The following NFIB variants were observed in gnomAD, a reference collection of about 807,000 sequenced individuals.
The protein encoded by NFIB is nuclear factor 1 B-type.
In NFIB, 11 loss-of-function variants were observed where a neutral mutation model predicts 61.5. The ratio of observed to expected loss-of-function variants is 0.18; its 90% confidence interval spans 0.11 to 0.30. The LOEUF is 0.30. NFIB is among the 10% of genes least tolerant of loss of function. The probability of loss-of-function intolerance (pLI) is 1.00; values close to 1 mark genes in which losing one functional copy is unlikely to be tolerated. For synonymous variants in NFIB, 260 were observed against 216.5 expected (o/e 1.20, Z -1.76); for missense variants, 471 against 608.9 (o/e 0.77, Z 2.38).
Position 14,083,050 on chromosome 9 carries a change from A to G in NFIB, c.*5259T>C, listed in dbSNP as rs1298396965. The stretch of plus-strand genomic sequence containing the variant: ...AATCTCAACATACATTTGAATTGCA[A>G]CACACAGATATTTCTAGAGTATTAA... On this transcript the variant is annotated 3_prime_UTR_variant, in exon 11 of 11. Transcript: ENST00000380953. 1.4e-5 allele frequency: 3 copies of G among 210,040 alleles called. No individual in the cohort carries two copies. Among genetic ancestry groups the G allele is most frequent in the Non-Finnish European group, 2.9e-5 (3 of 103,364 alleles). 13.0% of individuals were successfully genotyped at this position (210,040 alleles called of 1,614,324 possible).
chr9:14,355,940 G>C (rs532560194), intron 1 of NFIB, among the ~76,000 whole-genome samples: 8 of 150,622 alleles, frequency 5.3e-5, no homozygotes, highest in South Asian at 4.2e-4. Flanking sequence ...CTGGGTGACA[G>C]AGCGAGACTC....
chr9:14,146,741 G>A lies in NFIB; in HGVS notation c.873C>T (p.Pro291=). 1 of 1,610,546 alleles carries A rather than the reference G, an allele frequency of 6.2e-7. No homozygotes were observed. ...MEPSPTGDFY[P]SPSSPAAGSR... is the part of the protein sequence containing the mutation. Reference sequence around the variant, plus strand: ...TTCCAGCAGCTGGTGAACTTGGAGAGGGGTAAAAGTCTCCTGTAGGACTTG... The same window carrying A: ...TTCCAGCAGCTGGTGAACTTGGAGAAGGGTAAAAGTCTCCTGTAGGACTTG... The change falls in exon 6 of 11, where the codon CCC becomes CCT. Residue 291 remains proline (P), a synonymous_variant. Coordinates refer to ENST00000380953, the MANE Select transcript of NFIB (RefSeq NM_001190737.2).
intron 1 of NFIB, among the ~76,000 whole-genome samples, chr9:14,392,783 A>G (rs928867073): frequency 6.6e-6 from 1 of 152,196 alleles, no homozygotes; most frequent in African/African-American, 2.4e-5. Context: ...TATTCTCATA[A>G]CACCAAACTT....
intron 6 of NFIB, among the ~76,000 whole-genome samples, chr9:14,140,424 A>T (rs948437742): frequency 6.6e-6 from 1 of 152,178 alleles, no homozygotes; most frequent in Non-Finnish European, 1.5e-5. Flanking sequence ...GGATTCTTTG[A>T]TAGAAATAAA....
the NFIB span, among the ~76,000 whole-genome samples, chr9:14,416,395 C>A: frequency 6.6e-6 from 1 of 151,940 alleles, no homozygotes; most frequent in Non-Finnish European, 1.5e-5. Flanking sequence ...GTGTTACTGC[C>A]CCTGAAGACC....
chr9:14,199,511 G>A (rs948407085), intron 2 of NFIB, among the ~76,000 whole-genome samples: 1 of 152,194 alleles, frequency 6.6e-6, no homozygotes, highest in African/African-American at 2.4e-5. Context: ...TCACCCATTT[G>A]TGTTTCCTTA....
At chr9:14,517,595 A>ATGTGTGG in the NFIB span, among the ~76,000 whole-genome samples, 86 of 141,508 alleles carry the variant, frequency 6.1e-4, no homozygotes, top group Non-Finnish European at 1.2e-3. Flanking sequence ...CCTGCAGTGG[A>ATGTGTGG]TGTGTGGTGT....
intron 6 of NFIB, among the ~76,000 whole-genome samples, chr9:14,135,940 G>A (rs779921581): frequency 3.9e-5 from 6 of 152,046 alleles, no homozygotes; most frequent in Non-Finnish European, 7.4e-5. Flanking sequence ...TTTTCTAATA[G>A]TTTAAGTCTC....
At chr9:14,401,069 C>G (rs181697812), upstream of NFIB, among the ~76,000 whole-genome samples, 1 of 152,312 alleles carries the variant, frequency 6.6e-6, no homozygotes, top group Non-Finnish European at 1.5e-5. Flanking sequence ...CTTAGGATGA[C>G]ACAAGTTCCA....
chr9:14,136,729 A>C (rs2041091123), intron 6 of NFIB, among the ~76,000 whole-genome samples: 2 of 152,176 alleles, frequency 1.3e-5, no homozygotes, highest in African/African-American at 4.8e-5. Flanking sequence ...CATTACACTG[A>C]GGTAGTAAAC....
rs1471105633 is a variant in NFIB at position 14,084,375 on chromosome 9, G to A, written c.*3934C>T. 2.3e-5 allele frequency: 5 copies of A among 221,064 alleles called. No homozygotes were observed. The highest frequency in any genetic ancestry group is 6.7e-5 in the African/African-American group (3 of 44,618). 13.7% of individuals were successfully genotyped at this position (221,064 alleles called of 1,614,324 possible). A position where few individuals can be genotyped will look rare whatever the true frequency, so the allele number is the denominator to read the frequency against. ...AGGCGGTTCATTAAGAAGACCTTTC[G>A]CTCTTCTCGCTACTTGCAGCTTCAC... On this transcript the variant is annotated 3_prime_UTR_variant, in exon 11 of 11. Transcript: ENST00000380953.
chr9:14,150,398 C>A, intron 4 of NFIB, 133 bp from the exon 5 acceptor site: 2 of 1,436,102 alleles, frequency 1.4e-6, no homozygotes, highest in Non-Finnish European at 1.9e-6. Context: ...GCCTCTAATA[C>A]CCACCATACA....
the NFIB span, among the ~76,000 whole-genome samples, chr9:14,406,894 C>G: frequency 2.0e-5 from 3 of 152,208 alleles, no homozygotes; most frequent in African/African-American, 7.2e-5. Context: ...CACCTTCTTT[C>G]CCTCAAACAC....
At chr9:14,420,470 A>AAAAAAAAAAAAAAAT in the NFIB span, among the ~76,000 whole-genome samples, 1 of 148,852 alleles carries the variant, frequency 6.7e-6, no homozygotes, top group Non-Finnish European at 1.5e-5. Context: ...AAAAAAAAAA[A>AAAAAAAAAAAAAAAT]GATGCTATCA....
the NFIB span, among the ~76,000 whole-genome samples, chr9:14,428,640 C>A: frequency 1.3e-5 from 2 of 152,194 alleles, no homozygotes; most frequent in Admixed American, 1.3e-4. Context: ...TATGTGGCTT[C>A]ATTAATCACA....
intron 1 of NFIB, among the ~76,000 whole-genome samples, chr9:14,386,818 T>A (rs1300654582): frequency 6.6e-6 from 1 of 152,192 alleles, no homozygotes; most frequent in Non-Finnish European, 1.5e-5. Context: ...TCAAAGTCCA[T>A]TCCATAGAAT....
chr9:14,375,135 T>C (rs1388732118), intron 1 of NFIB, among the ~76,000 whole-genome samples: 2 of 152,202 alleles, frequency 1.3e-5, no homozygotes, highest in Non-Finnish European at 2.9e-5. Context: ...CCAAGACTTA[T>C]TCCCAACATA....
At chr9:14,353,853 C>CTTTTTT (rs59303621) in intron 1 of NFIB, among the ~76,000 whole-genome samples, 2 of 118,748 alleles carry the variant, frequency 1.7e-5, no homozygotes, top group Admixed American at 1.7e-4. Context: ...GGGGTTTTGT[C>CTTTTTT]TTTTTTTTTT....
chr9:14,198,256 G>A (rs2048664664), intron 2 of NFIB, among the ~76,000 whole-genome samples: 1 of 152,170 alleles, frequency 6.6e-6, no homozygotes, highest in Non-Finnish European at 1.5e-5. Context: ...CACAGTGTGG[G>A]CTACGGGGAG....
Sources: gnomAD v4.1 joint callset for allele counts (sites outside exome capture counted in the v4.1 genomes callset) on GRCh38, gnomAD v4.1.1 for gene constraint, MANE v1.5 for transcripts, NCBI Gene and HGNC (gene_info 2026-07-23, HGNC 2026-07-21) for gene names.